Variants in TFEC observed in about 807,000 individuals in gnomAD.
The protein encoded by TFEC is transcription factor EC, also known as class E basic helix-loop-helix protein 34.
In TFEC, 31 loss-of-function variants were observed where a neutral mutation model predicts 41.6. The observed-to-expected ratio is 0.74, with a 90% CI of 0.56 to 1.01. The LOEUF (loss-of-function observed/expected upper bound fraction) is 1.01. Ranked by LOEUF, TFEC falls within the 50% of genes least tolerant of loss-of-function variation. The probability of loss-of-function intolerance (pLI) is 0.00; values close to 1 mark genes in which losing one functional copy is unlikely to be tolerated. For missense variants in TFEC, 402 were observed against 404.1 expected (o/e 0.99, Z 0.04); for synonymous variants, 143 against 140.6 (o/e 1.02, Z -0.12).
intron 2 of TFEC, among the ~76,000 whole-genome samples, chr7:115,980,794 CA>C (rs1456715149): frequency 1.3e-5 from 2 of 150,876 alleles, no homozygotes; most frequent in African/African-American, 2.4e-5. Context: ...AAAACAAAAA[CA>C]AAAAAAGGAG....
chr7:116,123,523 CA>C (rs1004727654), intron 1 of TFEC, among the ~76,000 whole-genome samples: 22 of 148,944 alleles, frequency 1.5e-4, no homozygotes, highest in East Asian at 7.9e-4. Context: ...CACTTCCCTA[CA>C]AAAAAAAAAT....
rs1795692500 is a variant in TFEC, at chr7:116,029,059, G to C, written c.-73+1574C>G. Among the ~76,000 whole-genome samples the C allele has an allele frequency of 3.3e-5, 5 of 151,880 alleles. No individual in the cohort carries two copies. The South Asian group carries it at 1.0e-3, about 32-fold the overall frequency. Reference sequence around the variant, plus strand: ...ATGCCGCAGTCGTTAAAATTAAACTGACTTTTAAGAAACATTTTTCAGCTT... The same window carrying C: ...ATGCCGCAGTCGTTAAAATTAAACTCACTTTTAAGAAACATTTTTCAGCTT... On this transcript the variant is annotated intron_variant, in intron 1 of 7. Coordinates refer to ENST00000265440, the MANE Select transcript of TFEC (RefSeq NM_012252.4).
At chr7:116,054,754 A>G (rs1796389289) in intron 3 of TFEC, among the ~76,000 whole-genome samples, 1 of 152,170 alleles carries the variant, frequency 6.6e-6, no homozygotes, top group Admixed American at 6.5e-5. Context: ...GTAGCTGAGC[A>G]TCTTGTATTT....
chr7:116,117,960 C>T (rs576812896), intron 1 of TFEC, among the ~76,000 whole-genome samples: 2 of 151,752 alleles, frequency 1.3e-5, no homozygotes, highest in African/African-American at 2.4e-5. Flanking sequence ...TGGACACCAC[C>T]GGCCTGAAAA....
chr7:115,998,578 A>G (rs548054467), intron 1 of TFEC, among the ~76,000 whole-genome samples: 1 of 152,166 alleles, frequency 6.6e-6, no homozygotes, highest in East Asian at 1.9e-4. Context: ...TCTGTAGTCT[A>G]TAAGAAACAC....
intron 3 of TFEC, among the ~76,000 whole-genome samples, chr7:116,071,381 AT>A (rs1416614139): frequency 6.6e-6 from 1 of 151,172 alleles, no homozygotes; most frequent in South Asian, 2.1e-4. Flanking sequence ...GGATCAAGGT[AT>A]TAGGTTTTTA....
chr7:116,148,868 C>T (rs915774910), intron 1 of TFEC, among the ~76,000 whole-genome samples: 7 of 150,256 alleles, frequency 4.7e-5, no homozygotes, highest in African/African-American at 1.5e-4. Flanking sequence ...GCACAACACT[C>T]GATGAGATCA....
At chr7:115,988,775 C>A (rs1205980658) in intron 1 of TFEC, among the ~76,000 whole-genome samples, 2 of 151,452 alleles carry the variant, frequency 1.3e-5, no homozygotes, top group African/African-American at 4.9e-5. Context: ...AAAACAAGAA[C>A]AAAAAACAAT....
At chr7:115,986,500 C>T (rs1793861702) in intron 1 of TFEC, among the ~76,000 whole-genome samples, 1 of 151,858 alleles carries the variant, frequency 6.6e-6, no homozygotes, top group Admixed American at 6.6e-5. Context: ...AGCTCCATAA[C>T]ACATGCAATG....
intron 1 of TFEC, among the ~76,000 whole-genome samples, chr7:116,142,265 G>T (rs1258614570): frequency 6.6e-6 from 1 of 152,166 alleles, no homozygotes; most frequent in Non-Finnish European, 1.5e-5. Flanking sequence ...TGGTCTCTAT[G>T]ACATACGCTA....
At chr7:116,150,806 G>A (rs967879613) in intron 1 of TFEC, among the ~76,000 whole-genome samples, 2 of 152,092 alleles carry the variant, frequency 1.3e-5, no homozygotes, top group Non-Finnish European at 2.9e-5. Flanking sequence ...GGTAGAGTAA[G>A]GGTGATTGGA....
chr7:115,945,282 C>T (rs976001383), intron 6 of TFEC, among the ~76,000 whole-genome samples: 2 of 151,416 alleles, frequency 1.3e-5, no homozygotes, highest in African/African-American at 4.8e-5. Flanking sequence ...TTCTTGTTTC[C>T]TGTGACTTTT....
In TFEC at chr7:115,968,359, T is replaced by C. The variant is rs1407945383; in HGVS notation, c.267+5811A>G. The C allele has an allele frequency of 6.5e-6, 9 of 1,393,184 alleles. No homozygotes were observed. In the African/African-American group the frequency reaches 7.3e-5, roughly 11 times the overall value. 86.3% of individuals were successfully genotyped at this position (1,393,184 alleles called of 1,614,324 possible). On this transcript the variant is annotated intron_variant, in intron 3 of 7. Transcript: ENST00000265440. The stretch of plus-strand genomic sequence containing the variant: ...GACTTTAAGACTAATCTTGTCTAGA[T>C]TGTGATTGACAAAAGCTTGCTCACT...
chr7:116,126,755 A>G (rs754038634), intron 1 of TFEC, among the ~76,000 whole-genome samples: 1 of 152,156 alleles, frequency 6.6e-6, no homozygotes, highest in Non-Finnish European at 1.5e-5. Context: ...ACCCCAGTCA[A>G]TTGAGGGAGG....
chr7:116,032,944 A>G (rs1040919797), upstream of TFEC, among the ~76,000 whole-genome samples: 1 of 152,146 alleles, frequency 6.6e-6, no homozygotes, highest in African/African-American at 2.4e-5. Context: ...TACTTGCCAC[A>G]AAATAATTTT....
intron 1 of TFEC, among the ~76,000 whole-genome samples, chr7:116,025,199 T>C (rs1158844863): frequency 6.6e-6 from 1 of 152,144 alleles, no homozygotes; most frequent in Non-Finnish European, 1.5e-5. Context: ...TTTCCTCTAT[T>C]TCATTTTGTT....
rs1793354195 is a variant in TFEC at position 115,938,872 on chromosome 7, G to A, written c.*1679C>T. The A allele has an allele frequency of 6.6e-6, 1 of 151,814 alleles. No individual in the cohort carries two copies. The highest frequency in any genetic ancestry group is 1.5e-5 in the Non-Finnish European group (1 of 67,910). 9.4% of individuals were successfully genotyped at this position (151,814 alleles called of 1,614,324 possible). ...TAAGGGCCTTCACAACCTGTTGTCA[G>A]TCTTATGCTTCAGAACTCCCCAACA... On this transcript the variant is annotated 3_prime_UTR_variant, in exon 8 of 8. Coordinates refer to ENST00000265440, the MANE Select transcript of TFEC (RefSeq NM_012252.4).
chr7:115,961,285 C>T (rs1034021018), intron 3 of TFEC, among the ~76,000 whole-genome samples: 2 of 151,320 alleles, frequency 1.3e-5, no homozygotes, highest in African/African-American at 4.8e-5. Context: ...AGAGTGATTG[C>T]CAAAATATTT....
intron 3 of TFEC, among the ~76,000 whole-genome samples, chr7:116,065,251 A>G (rs1371766218): frequency 6.6e-6 from 1 of 152,192 alleles, no homozygotes; most frequent in Non-Finnish European, 1.5e-5. Flanking sequence ...AAGATTTCCA[A>G]TAATTATATG....
Sources: allele counts gnomAD v4.1 joint callset (sites outside exome capture counted in the v4.1 genomes callset), GRCh38; gene constraint gnomAD v4.1.1; transcripts MANE v1.5; gene names NCBI Gene and HGNC (gene_info 2026-07-23, HGNC 2026-07-21).